MRPS6: variants seen among roughly 807,000 people sequenced by gnomAD.
The protein encoded by MRPS6 is mitochondrial ribosomal protein S6, also known as small ribosomal subunit protein bS6m.
In MRPS6, 6 loss-of-function variants were observed where a neutral mutation model predicts 13.1. The observed-to-expected ratio is 0.46, with a 90% CI of 0.25 to 0.91. The LOEUF is 0.91. MRPS6 is among the 40% of genes least tolerant of loss of function. The probability of loss-of-function intolerance (pLI) is 0.18; values close to 1 mark genes in which losing one functional copy is unlikely to be tolerated. For synonymous variants in MRPS6, 61 were observed against 56.5 expected (o/e 1.08, Z -0.36); for missense variants, 164 against 155.6 (o/e 1.05, Z -0.29).
chr21:34,077,977 A>G (rs1004026973), intron 1 of MRPS6, among the ~76,000 whole-genome samples: 1 of 152,190 alleles, frequency 6.6e-6, no homozygotes, highest in Non-Finnish European at 1.5e-5. Context: ...TATTTTAGAT[A>G]CCCTTTGGAG....
intron 1 of MRPS6, chr21:34,097,742 A>T (rs1007925714): frequency 9.0e-6 from 9 of 1,001,044 alleles, no homozygotes; most frequent in African/African-American, 5.2e-5. Context: ...TCATTTCTAA[A>T]TTTTTTTTTC....
chr21:34,124,157 G>C (rs1444474856), intron 1 of MRPS6: 1 of 152,152 alleles, frequency 6.6e-6, no homozygotes, highest in African/African-American at 2.4e-5. Flanking sequence ...TACATCTGGA[G>C]AGGTCAACCT....
intron 1 of MRPS6, among the ~76,000 whole-genome samples, chr21:34,085,403 T>C (rs963499904): frequency 6.6e-6 from 1 of 152,210 alleles, no homozygotes. Context: ...GAATGGGCCA[T>C]TGTAAATGTA....
At chr21:34,139,107 G>A (rs1318594484) in intron 2 of MRPS6, among the ~76,000 whole-genome samples, 5 of 146,462 alleles carry the variant, frequency 3.4e-5, no homozygotes, top group African/African-American at 1.0e-4. Flanking sequence ...AACACCGCAT[G>A]TTCTCACTCA....
intron 1 of MRPS6, among the ~76,000 whole-genome samples, chr21:34,114,884 T>A (rs2148665814): frequency 6.6e-6 from 1 of 152,330 alleles, no homozygotes; most frequent in East Asian, 1.9e-4. Flanking sequence ...ATGTCTTCCC[T>A]TCTGCTCAGT....
chr21:34,142,282 G>T, intron 2 of MRPS6, 126 bp from the exon 3 acceptor site: 1 of 987,790 alleles, frequency 1.0e-6, no homozygotes. Flanking sequence ...AAGGTTATGT[G>T]TGTGTATGTG....
At chr21:34,131,123 A>G (rs538194779) in intron 2 of MRPS6, among the ~76,000 whole-genome samples, 2 of 152,326 alleles carry the variant, frequency 1.3e-5, no homozygotes, top group South Asian at 2.1e-4. Flanking sequence ...CACCAAGAGT[A>G]GAAGTGGAAA....
At chr21:34,084,448 T>C (rs933405935) in intron 1 of MRPS6, among the ~76,000 whole-genome samples, 46 of 152,234 alleles carry the variant, frequency 3.0e-4, no homozygotes, top group Non-Finnish European at 5.9e-4. Context: ...ATAAACCTCA[T>C]AGTTGCTAGC....
At chr21:34,085,187 A>G (rs1249986085) in intron 1 of MRPS6, among the ~76,000 whole-genome samples, 1 of 152,222 alleles carries the variant, frequency 6.6e-6, no homozygotes, top group Non-Finnish European at 1.5e-5. Flanking sequence ...TGTCATTAAT[A>G]ACAGTGGCAC....
intron 1 of MRPS6, chr21:34,098,806 T>C: frequency 1.0e-6 from 1 of 999,594 alleles, no homozygotes; most frequent in Non-Finnish European, 1.2e-6. Flanking sequence ...GATTACGTAC[T>C]TCTGTGTCTT....
chr21:34,080,408 C>T (rs1989432429), intron 1 of MRPS6, among the ~76,000 whole-genome samples: 1 of 152,106 alleles, frequency 6.6e-6, no homozygotes, highest in Non-Finnish European at 1.5e-5. Flanking sequence ...CAAAGTTGTG[C>T]AGATTCTTAT....
At chr21:34,124,213 C>A (rs555958867) in intron 1 of MRPS6, 1 of 152,354 alleles carries the variant, frequency 6.6e-6, no homozygotes, top group Admixed American at 6.5e-5. Context: ...AAACCAGATT[C>A]ATCTCTTACT....
At chr21:34,073,768 C>T (rs762879285) in intron 1 of MRPS6, 23 bp downstream of exon 1, 71 of 1,475,822 alleles carry the variant, frequency 4.8e-5, no homozygotes, top group Non-Finnish European at 6.2e-5. Context: ...CCCTCAGAGC[C>T]GGTCTTCCCG....
chr21:34,090,627 C>T (rs368801398), intron 1 of MRPS6, among the ~76,000 whole-genome samples: 1 of 152,192 alleles, frequency 6.6e-6, no homozygotes, highest in African/African-American at 2.4e-5. Context: ...AATATCACTT[C>T]TAGTATATTC....
intron 1 of MRPS6, chr21:34,095,261 G>A (rs1203916274): frequency 1.9e-6 from 3 of 1,614,016 alleles, no homozygotes; most frequent in African/African-American, 2.7e-5. Context: ...TCCTGGTCAT[G>A]TGCATTGGTT....
chr21:34,102,686 T>C (rs1236359454), intron 1 of MRPS6: 1 of 1,000,020 alleles, frequency 1.0e-6, no homozygotes, highest in Non-Finnish European at 1.2e-6. Flanking sequence ...TAGAATAAAG[T>C]AAGCAGCTGA....
In MRPS6 at chr21:34,092,533, G is replaced by C. The variant is rs186619223; in HGVS notation, c.45+18788G>C. On this transcript the variant is annotated intron_variant, in intron 1 of 2. Transcript: ENST00000399312. ...TGGGCAGAGCGACTTTACTAGAGAA[G>C]TTAGGAGTTAGGGCTAGCATGAGAA... is the stretch of plus-strand genomic sequence containing the variant. Among the ~76,000 whole-genome samples, 26 of 152,332 alleles carry C rather than the reference G, an allele frequency of 1.7e-4. No individual in the cohort carries two copies. In the East Asian group the frequency reaches 4.8e-3, roughly 28 times the overall value.
In MRPS6 at chr21:34,096,519, A is replaced by G. The variant is rs1039028792; in HGVS notation, c.45+22774A>G. The G allele has an allele frequency of 7.4e-6, 12 of 1,614,044 alleles. No homozygotes were observed. In the African/African-American group the frequency reaches 9.3e-5, roughly 13 times the overall value. On this transcript the variant is annotated intron_variant, in intron 1 of 2. Transcript: ENST00000399312. This position sits in a 1 kb window ranked among gnomAD's most constrained non-coding sequence, Gnocchi z 5.9. ...GCAAGGAGGCCAGATGTACCTTTACATTCAGGAGGTAGCAGATTACCTGAC... is the reference window on the plus strand; with the variant it reads ...GCAAGGAGGCCAGATGTACCTTTACGTTCAGGAGGTAGCAGATTACCTGAC...
chr21:34,075,278 T>C (rs889255308), intron 1 of MRPS6, among the ~76,000 whole-genome samples: 2 of 152,228 alleles, frequency 1.3e-5, no homozygotes, highest in Admixed American at 6.5e-5. Flanking sequence ...CTGTAGGCAA[T>C]AATATTTGCT....
Sources: gnomAD v4.1 joint callset for allele counts (sites outside exome capture counted in the v4.1 genomes callset) on GRCh38, gnomAD v4.1.1 for gene constraint, Gnocchi (gnomAD v3.1) non-coding constraint, MANE v1.5 for transcripts, NCBI Gene and HGNC (gene_info 2026-07-23, HGNC 2026-07-21) for gene names.